NSD3: variants seen among roughly 807,000 people sequenced by gnomAD.
NSD3 encodes the protein nuclear receptor binding SET domain protein 3.
Under a neutral mutation model 160.8 loss-of-function variants are expected in NSD3, and 24 were observed. The ratio of observed to expected loss-of-function variants is 0.15; its 90% CI spans 0.11 to 0.21. The LOEUF is 0.21. NSD3 is among the 10% of genes least tolerant of loss of function. NSD3 has a pLI of 1.00. For synonymous variants in NSD3, 520 were observed against 600.0 expected, an observed-to-expected ratio of 0.87 and a Z score of 1.95; for missense variants, 1,157 against 1,735.9, an observed-to-expected ratio of 0.67 and a Z score of 5.93.
At chr8:38,290,349 TG>T in intron 17 of NSD3, 125 bp downstream of exon 17, 2 of 947,098 alleles carry the variant, frequency 2.1e-6, no homozygotes, top group Non-Finnish European at 3.3e-6. Flanking sequence ...TGGAAGCTTA[TG>T]GACACAGGAT....
Position 38,319,073 on chromosome 8 carries a change from A to G in NSD3, c.1810-133T>C. Reference sequence around the variant, plus strand: ...GTATCTGAAATCTGAACTCAGTCCCATCTTTTGGGTAAAGTTCTCTGTCTC... The same window carrying G: ...GTATCTGAAATCTGAACTCAGTCCCGTCTTTTGGGTAAAGTTCTCTGTCTC... On this transcript the variant is annotated intron_variant, in intron 8 of 23. Transcript: ENST00000317025. The surrounding 1 kb of genome is among the most constrained non-coding windows in gnomAD (Gnocchi z 4.1). The G allele has an allele frequency of 1.2e-6, 1 of 809,872 alleles. No homozygotes were observed. The highest frequency in any genetic ancestry group is 1.7e-5 in the African/African-American group (1 of 57,456). The allele number at this position is 809,872 out of a possible 1,614,324, so 50.2% of individuals were successfully genotyped here.
chr8:38,359,191 C>T (rs1224878014), intron 1 of NSD3, among the ~76,000 whole-genome samples: 1 of 152,014 alleles, frequency 6.6e-6, no homozygotes, highest in East Asian at 1.9e-4. Context: ...AATACAGTAA[C>T]AAATGTGTAT....
At chr8:38,374,253 G>A (rs757150353) in intron 1 of NSD3, among the ~76,000 whole-genome samples, 4 of 151,844 alleles carry the variant, frequency 2.6e-5, no homozygotes, top group African/African-American at 4.8e-5. Context: ...ACTCCAGCCT[G>A]GGCAAGAGAG....
In NSD3 at chr8:38,346,044, C is replaced by T. The variant is rs569267770; in HGVS notation, c.675+1453G>A. ...CAGAACTGGTTTTAGAATCTCATTGCAAAATGACTACTAGAAACATCACTG... is the reference window on the plus strand; with the variant it reads ...CAGAACTGGTTTTAGAATCTCATTGTAAAATGACTACTAGAAACATCACTG... On this transcript the variant is annotated intron_variant, in intron 2 of 23. Transcript: ENST00000317025. Among the ~76,000 whole-genome samples, 61 of 151,956 alleles carry T rather than the reference C, an allele frequency of 4.0e-4. 1 individual carries two copies. Among genetic ancestry groups the T allele is most frequent in the African/African-American group, 1.4e-3 (58 of 41,478 alleles).
intron 15 of NSD3, among the ~76,000 whole-genome samples, chr8:38,298,457 C>T (rs1282486580): frequency 1.3e-5 from 2 of 152,050 alleles, no homozygotes; most frequent in Non-Finnish European, 2.9e-5. Context: ...CTTCAGATGT[C>T]TGACAAAGAG....
At chr8:38,276,743 G>A (rs2130980087) in intron 22 of NSD3, 1 of 502,570 alleles carries the variant, frequency 2.0e-6, no homozygotes, top group South Asian at 2.2e-5. Context: ...GAAGTGCAGT[G>A]GTGCAATCTT....
chr8:38,337,176 C>A, intron 4 of NSD3, 129 bp downstream of exon 4: 95 of 758,268 alleles, frequency 1.3e-4, no homozygotes, highest in Non-Finnish European at 1.6e-4. Flanking sequence ...ATCCACAAAA[C>A]TGATACGGAT....
chr8:38,288,340 C>A lies in NSD3; in HGVS notation c.3501+147G>T. ...CTTCTTCCTACTACTCTTCTTTGCT[C>A]AAGAAGTACCAAACTCTCAACATGG... On this transcript the variant is annotated intron_variant, in intron 19 of 23. Coordinates refer to ENST00000317025, the MANE Select transcript of NSD3 (RefSeq NM_023034.2). The surrounding 1 kb of genome is among the most constrained non-coding windows in gnomAD (Gnocchi z 4.5). 1 of 1,163,822 alleles carries A rather than the reference C, an allele frequency of 8.6e-7. No individual in the cohort carries two copies. The highest frequency in any genetic ancestry group is 1.2e-6 in the Non-Finnish European group (1 of 839,734). 72.1% of individuals were successfully genotyped at this position (1,163,822 alleles called of 1,614,324 possible).
intron 1 of NSD3, among the ~76,000 whole-genome samples, chr8:38,379,418 A>C (rs1422142125): frequency 3.3e-5 from 5 of 152,152 alleles, no homozygotes; most frequent in Admixed American, 1.3e-4. Flanking sequence ...AATTACAAAT[A>C]ACATGTCAAT....
chr8:38,348,365 G>T, intron 1 of NSD3, 150 bp from the exon 2 acceptor site: 1 of 543,338 alleles, frequency 1.8e-6, no homozygotes. Flanking sequence ...ACAGATAACT[G>T]ATATAATTCT....
At chr8:38,338,423 T>C (rs551190721) in intron 3 of NSD3, 113 bp downstream of exon 3, 1 of 829,754 alleles carries the variant, frequency 1.2e-6, no homozygotes, top group South Asian at 1.7e-5. Context: ...TATTTCAATA[T>C]AATTTCTGAA....
intron 12 of NSD3, among the ~76,000 whole-genome samples, chr8:38,305,665 C>G (rs936145575): frequency 6.6e-6 from 1 of 152,128 alleles, no homozygotes; most frequent in Non-Finnish European, 1.5e-5. Flanking sequence ...ATACTAAAAA[C>G]AATTTAGATC....
intron 5 of NSD3, among the ~76,000 whole-genome samples, chr8:38,330,571 A>T (rs572044277): frequency 2.0e-4 from 30 of 152,332 alleles, no homozygotes; most frequent in African/African-American, 7.2e-4. Flanking sequence ...AGCAATTAGG[A>T]ATTATCCAGG....
At chr8:38,302,655 G>A (rs751280965) in intron 14 of NSD3, among the ~76,000 whole-genome samples, 8 of 152,164 alleles carry the variant, frequency 5.3e-5, no homozygotes, top group Non-Finnish European at 1.0e-4. Flanking sequence ...TTCTATAAGC[G>A]TACAATTTTC....
chr8:38,304,550 C>A, intron 14 of NSD3, 37 bp downstream of exon 14: 2 of 1,583,488 alleles, frequency 1.3e-6, no homozygotes, highest in Non-Finnish European at 1.7e-6. Flanking sequence ...ATGCCAATGA[C>A]CTCAAAAATA....
chr8:38,299,702 C>A, intron 14 of NSD3, 112 bp from the exon 15 acceptor site: 2 of 1,058,932 alleles, frequency 1.9e-6, no homozygotes, highest in Non-Finnish European at 2.5e-6. Context: ...GTGGGGAGGG[C>A]GAAAATGAGA....
chr8:38,292,149 AT>A (rs1809010314), intron 16 of NSD3, among the ~76,000 whole-genome samples: 5 of 152,248 alleles, frequency 3.3e-5, no homozygotes, highest in Admixed American at 2.6e-4. Flanking sequence ...TTATCTAGAA[AT>A]GTCTTAAATG....
intron 16 of NSD3, among the ~76,000 whole-genome samples, chr8:38,293,698 G>T (rs375774856): frequency 1.8e-4 from 28 of 151,518 alleles, no homozygotes; most frequent in Non-Finnish European, 4.0e-4. Context: ...CGAGGCGGGC[G>T]GATCAGCTGA....
intron 16 of NSD3, among the ~76,000 whole-genome samples, chr8:38,293,793 G>A (rs1429991951): frequency 6.6e-6 from 1 of 150,448 alleles, no homozygotes; most frequent in South Asian, 2.1e-4. Flanking sequence ...CGTGGTGTCA[G>A]GTGCCTGTAA....
Sources: gnomAD v4.1 joint callset for allele counts (sites outside exome capture counted in the v4.1 genomes callset) on GRCh38, gnomAD v4.1.1 for gene constraint, Gnocchi (gnomAD v3.1) non-coding constraint, MANE v1.5 for transcripts, NCBI Gene and HGNC (gene_info 2026-07-23, HGNC 2026-07-21) for gene names.